Variants in ROBO1 observed in about 807,000 individuals in gnomAD.
The protein encoded by ROBO1 is roundabout homolog 1.
Under a neutral mutation model 195.9 loss-of-function variants are expected in ROBO1, and 149 were observed. The ratio of observed to expected loss-of-function variants is 0.76; its 90% CI spans 0.67 to 0.87. The LOEUF is 0.87. ROBO1 is among the 40% of genes least tolerant of loss of function. ROBO1 has a pLI of 0.00. For missense variants in ROBO1, 1,933 were observed against 2,068.3 expected, an observed-to-expected ratio of 0.93 and a Z score of 1.27; for synonymous variants, 816 against 733.2, an observed-to-expected ratio of 1.11 and a Z score of -1.82.
intron 4 of ROBO1, among the ~76,000 whole-genome samples, chr3:78,863,458 T>G (rs975822139): frequency 5.3e-5 from 8 of 152,150 alleles, no homozygotes; most frequent in Non-Finnish European, 8.8e-5. Flanking sequence ...ACCGTGTGAA[T>G]GCAGAAACCT....
chr3:79,027,631 C>A (rs1162668372), intron 3 of ROBO1, among the ~76,000 whole-genome samples: 1 of 151,940 alleles, frequency 6.6e-6, no homozygotes, highest in East Asian at 1.9e-4. Context: ...GTCTTAACAA[C>A]AAAGATAATT....
At chr3:79,352,877 T>C (rs1275065196) in intron 2 of ROBO1, among the ~76,000 whole-genome samples, 1 of 152,058 alleles carries the variant, frequency 6.6e-6, no homozygotes, top group Non-Finnish European at 1.5e-5. Flanking sequence ...AGATTCATTA[T>C]ATATATATAC....
At position 78,948,296 on chromosome 3, in the gene ROBO1, A is replaced by T. The variant is rs999056555; in HGVS notation, c.173-9369T>A. 3.9e-5 allele frequency among the ~76,000 whole-genome samples: 6 copies of T among 152,226 alleles called. No individual in the cohort carries two copies. In the East Asian group the frequency reaches 9.6e-4, roughly 24 times the overall value. Reference sequence around the variant, plus strand: ...TACTGGCAAACCAAATCCAGCAGCAAATCAAAAAGCTTATCCACCATGATC... The same window carrying T: ...TACTGGCAAACCAAATCCAGCAGCATATCAAAAAGCTTATCCACCATGATC... On this transcript the variant is annotated intron_variant, in intron 3 of 30. Coordinates refer to ENST00000464233, the MANE Select transcript of ROBO1 (RefSeq NM_002941.4).
chr3:79,747,166 C>A (rs373022775), intron 1 of ROBO1, among the ~76,000 whole-genome samples: 2 of 151,960 alleles, frequency 1.3e-5, no homozygotes, highest in South Asian at 2.1e-4. Flanking sequence ...TAGGTTTCAA[C>A]GGCTGATTAG....
chr3:79,097,182 T>A (rs1232238453), intron 3 of ROBO1, among the ~76,000 whole-genome samples: 1 of 151,754 alleles, frequency 6.6e-6, no homozygotes, highest in African/African-American at 2.4e-5. Context: ...CTTGTGAACA[T>A]ATATTGTATA....
chr3:79,442,875 G>A (rs1241045796), intron 2 of ROBO1, among the ~76,000 whole-genome samples: 1 of 152,044 alleles, frequency 6.6e-6, no homozygotes, highest in Non-Finnish European at 1.5e-5. Flanking sequence ...AATATGCAGG[G>A]TACTTTTTAT....
rs368317896 is a variant in ROBO1 at position 79,557,730 on chromosome 3, T to TAAAA, written c.88+32090_88+32093dup. Among the ~76,000 whole-genome samples the TAAAA allele has an allele frequency of 4.3e-3, 469 of 110,060 alleles. 12 individuals carry two copies. The highest frequency in any genetic ancestry group is 9.0e-3 in the African/African-American group (207 of 22,992). 72.2% of individuals were successfully genotyped at this position (110,060 alleles called of 152,430 possible). On this transcript the variant is annotated intron_variant, in intron 2 of 30. Coordinates refer to ENST00000464233, the MANE Select transcript of ROBO1 (RefSeq NM_002941.4). ...CCTGGGCAACAGAGCGAGACTGTCT[T>TAAAA]AAAACAAAAAAAAATATATATATAT...
chr3:79,678,580 G>C (rs1433710019), intron 1 of ROBO1, among the ~76,000 whole-genome samples: 2 of 151,964 alleles, frequency 1.3e-5, no homozygotes. Context: ...TCCTCTTTTA[G>C]ATAGAAATTC....
chr3:79,499,016 T>C (rs372392672), intron 2 of ROBO1, among the ~76,000 whole-genome samples: 20 of 152,316 alleles, frequency 1.3e-4, no homozygotes, highest in Admixed American at 3.9e-4. Context: ...GTGTATGTGA[T>C]GGAATTTTGC....
chr3:78,934,952 A>T (rs1207880469), intron 4 of ROBO1, among the ~76,000 whole-genome samples: 1 of 152,060 alleles, frequency 6.6e-6, no homozygotes, highest in Non-Finnish European at 1.5e-5. Flanking sequence ...CTAGGTAAAC[A>T]CGTGGCTACT....
chr3:79,453,193 G>A (rs1330315774), intron 2 of ROBO1, among the ~76,000 whole-genome samples: 1 of 151,946 alleles, frequency 6.6e-6, no homozygotes, highest in Non-Finnish European at 1.5e-5. Context: ...AGGCTGCATG[G>A]TGCTCTGAGT....
chr3:79,408,364 TTATA>T (rs1227874601), intron 2 of ROBO1, among the ~76,000 whole-genome samples: 1 of 152,088 alleles, frequency 6.6e-6, no homozygotes, highest in Non-Finnish European at 1.5e-5. Context: ...GAATTTATCT[TTATA>T]TATTATTTAA....
intron 2 of ROBO1, among the ~76,000 whole-genome samples, chr3:79,566,884 G>A (rs900077777): frequency 2.0e-5 from 3 of 152,032 alleles, no homozygotes; most frequent in African/African-American, 7.2e-5. Context: ...GATTCCTAAA[G>A]GACATAGAGA....
chr3:79,393,259 T>C (rs537556197), intron 2 of ROBO1, among the ~76,000 whole-genome samples: 2 of 152,284 alleles, frequency 1.3e-5, no homozygotes, highest in South Asian at 4.1e-4. Flanking sequence ...GGGGGTTGCA[T>C]GGGTGTTGGA....
intron 1 of ROBO1, among the ~76,000 whole-genome samples, chr3:79,603,937 GGAT>G (rs1254734982): frequency 3.9e-5 from 6 of 151,960 alleles, no homozygotes; most frequent in Admixed American, 3.3e-4. Flanking sequence ...AGTTACCAAA[GGAT>G]GATCAGAAGA....
chr3:79,063,397 TTTG>T (rs2078953715), intron 3 of ROBO1, among the ~76,000 whole-genome samples: 1 of 151,844 alleles, frequency 6.6e-6, no homozygotes, highest in African/African-American at 2.4e-5. Context: ...AAGACAATGC[TTTG>T]TTGTTGTGAC....
chr3:79,435,435 T>C (rs2038849992), intron 2 of ROBO1, among the ~76,000 whole-genome samples: 1 of 152,170 alleles, frequency 6.6e-6, no homozygotes, highest in African/African-American at 2.4e-5. Flanking sequence ...CACTTTTCTC[T>C]GAAAATCTGC....
At chr3:78,994,264 A>G (rs2077307188) in intron 3 of ROBO1, among the ~76,000 whole-genome samples, 1 of 152,160 alleles carries the variant, frequency 6.6e-6, no homozygotes, top group Non-Finnish European at 1.5e-5. Flanking sequence ...GAATTCAACC[A>G]GCGAAAAGGA....
chr3:79,508,280 T>TA (rs1251684304), intron 2 of ROBO1, among the ~76,000 whole-genome samples: 1 of 151,724 alleles, frequency 6.6e-6, no homozygotes, highest in Admixed American at 6.6e-5. Flanking sequence ...AAGAGGAGAT[T>TA]AGGACAGAGG....
Sources: gnomAD v4.1 joint callset for allele counts (sites outside exome capture counted in the v4.1 genomes callset) on GRCh38, gnomAD v4.1.1 for gene constraint, MANE v1.5 for transcripts, NCBI Gene and HGNC (gene_info 2026-07-23, HGNC 2026-07-21) for gene names.